Variants in EPB41L2 observed in about 807,000 individuals in gnomAD.
The protein encoded by EPB41L2 is band 4.1-like protein 2.
In EPB41L2, 43 loss-of-function variants were observed where a neutral mutation model predicts 113.0. The ratio of observed to expected loss-of-function variants is 0.38; its 90% CI spans 0.30 to 0.49. The LOEUF is 0.49. EPB41L2 is among the 20% of genes least tolerant of loss of function. EPB41L2 has a pLI of 0.95. For synonymous variants in EPB41L2, 442 were observed against 436.7 expected, an observed-to-expected ratio of 1.01 and a Z score of -0.15; for missense variants, 1,147 against 1,223.4, an observed-to-expected ratio of 0.94 and a Z score of 0.93.
Position 130,839,878 on chromosome 6 carries a change from T to C in EPB41L2, c.*726A>G, listed in dbSNP as rs530181123. On this transcript the variant is annotated 3_prime_UTR_variant, in exon 20 of 20. Transcript: ENST00000337057. ...TGTCTGACAAGCATTGGCACTGTGG[T>C]GCGGCAGGGTCTCTAAGCACAGTGC... 6.6e-6 allele frequency: 1 copy of C among 152,326 alleles called. No homozygotes were observed. Among genetic ancestry groups the C allele is most frequent in the Admixed American group, 6.5e-5 (1 of 15,302 alleles). 9.4% of individuals were successfully genotyped at this position (152,326 alleles called of 1,614,324 possible). A position where few individuals can be genotyped will look rare whatever the true frequency, so the allele number is the denominator to read the frequency against.
chr6:131,026,567 G>A (rs1311272604), intron 1 of EPB41L2, among the ~76,000 whole-genome samples: 2 of 152,128 alleles, frequency 1.3e-5, no homozygotes, highest in Non-Finnish European at 2.9e-5. Flanking sequence ...CTCAAACTCT[G>A]GGCTAAAGAG....
At chr6:131,048,610 C>G (rs1795943759) in intron 1 of EPB41L2, among the ~76,000 whole-genome samples, 1 of 152,076 alleles carries the variant, frequency 6.6e-6, no homozygotes, top group Non-Finnish European at 1.5e-5. Context: ...GAGTTTGCTT[C>G]AAAATAAAGA....
Position 131,006,589 on chromosome 6 carries a change from G to C in EPB41L2, c.-14-50090C>G, listed in dbSNP as rs372947594. 2.0e-5 allele frequency among the ~76,000 whole-genome samples: 3 copies of C among 150,640 alleles called. No homozygotes were observed. In the South Asian group the frequency reaches 6.3e-4, roughly 32 times the overall value. On this transcript the variant is annotated intron_variant, in intron 1 of 19. Coordinates refer to ENST00000337057, the MANE Select transcript of EPB41L2 (RefSeq NM_001431.4). ...GGAGGCTAAGGCAGGAGAATCGCTT[G>C]AACCCAGGAGGCAGAGGTTGCAGTG...
intron 15 of EPB41L2, chr6:130,867,968 ACACACTCT>A (rs1279948573): frequency 2.5e-4 from 34 of 133,342 alleles, no homozygotes; most frequent in African/African-American, 7.5e-4. Context: ...ACACACACAC[ACACACTCT>A]CTCTCTCTCT....
intron 1 of EPB41L2, chr6:131,013,602 C>T (rs1281226641): frequency 6.6e-6 from 1 of 152,156 alleles, no homozygotes; most frequent in East Asian, 1.9e-4. Context: ...TTTTGCCTCA[C>T]AGAAGTTGTT....
intron 19 of EPB41L2, among the ~76,000 whole-genome samples, chr6:130,844,464 C>G (rs1776394496): frequency 6.6e-6 from 1 of 151,366 alleles, no homozygotes; most frequent in African/African-American, 2.4e-5. Context: ...CCCAGCTACT[C>G]AGGAGGCTGA....
rs1783590573 is a variant in EPB41L2 at position 130,865,870 on chromosome 6, C to T, written c.2731-236G>A. 7 of 482,028 alleles carry T rather than the reference C, an allele frequency of 1.5e-5. No individual in the cohort carries two copies. The East Asian group carries it at 2.4e-4, about 17-fold the overall frequency. The allele number at this position is 482,028 out of a possible 1,614,324, so 29.9% of individuals were successfully genotyped here. ...AGTGGAGAAAAGAGAGGAGAATGGACATAGTAGGTGGGACTGAAAGCTACA... is the reference window on the plus strand; with the variant it reads ...AGTGGAGAAAAGAGAGGAGAATGGATATAGTAGGTGGGACTGAAAGCTACA... On this transcript the variant is annotated intron_variant, in intron 16 of 19. Coordinates refer to ENST00000337057, the MANE Select transcript of EPB41L2 (RefSeq NM_001431.4).
chr6:130,903,706 T>A (rs1796936167), intron 6 of EPB41L2, among the ~76,000 whole-genome samples: 2 of 152,230 alleles, frequency 1.3e-5, no homozygotes, highest in Admixed American at 1.3e-4. Context: ...TTATACTTCC[T>A]CTCACCAAAG....
intron 1 of EPB41L2, among the ~76,000 whole-genome samples, chr6:131,006,775 T>TAG (rs1785658408): frequency 6.6e-6 from 1 of 152,120 alleles, no homozygotes; most frequent in South Asian, 2.1e-4. Context: ...AATCCTGCCC[T>TAG]AGACCTATTA....
chr6:130,999,170 C>G (rs1201503049), intron 1 of EPB41L2, among the ~76,000 whole-genome samples: 1 of 152,118 alleles, frequency 6.6e-6, no homozygotes, highest in African/African-American at 2.4e-5. Flanking sequence ...TCTTCTCTCT[C>G]CCAGATCCCC....
intron 1 of EPB41L2, among the ~76,000 whole-genome samples, chr6:131,049,877 C>T (rs1369015315): frequency 1.3e-5 from 2 of 152,116 alleles, no homozygotes; most frequent in Non-Finnish European, 2.9e-5. Context: ...CCTGAGTTTT[C>T]CAAGAAAACT....
intron 3 of EPB41L2, among the ~76,000 whole-genome samples, chr6:130,950,867 G>A (rs914502672): frequency 6.6e-5 from 10 of 152,092 alleles, no homozygotes; most frequent in Admixed American, 1.3e-4. Context: ...CAACATTAGC[G>A]GGTTAGAAAA....
chr6:130,876,891 G>A, intron 14 of EPB41L2: 1 of 376,956 alleles, frequency 2.7e-6, no homozygotes, highest in South Asian at 3.5e-5. Context: ...CAGGAGAAGT[G>A]GCACATAATG....
chr6:131,060,431 T>C (rs2128209573), intron 1 of EPB41L2, among the ~76,000 whole-genome samples: 1 of 152,380 alleles, frequency 6.6e-6, no homozygotes, highest in Non-Finnish European at 1.5e-5. Context: ...TCTTTGCAAG[T>C]ATTTTTAGTT....
rs375943882 is a variant in EPB41L2 at position 130,858,051 on chromosome 6, C to G, written c.*5+80G>C. On this transcript the variant is annotated intron_variant, in intron 19 of 19. Transcript: ENST00000337057. ...TATAGGAAGAAGACACTGATATGAA[C>G]TTTCATTTCACATCCTTTCACAAGT... 8.9e-6 allele frequency: 10 copies of G among 1,125,240 alleles called. No homozygotes were observed. The East Asian group carries it at 2.4e-4, about 27-fold the overall frequency. 69.7% of individuals were successfully genotyped at this position (1,125,240 alleles called of 1,614,324 possible).
chr6:130,865,737 G>T, intron 16 of EPB41L2, 103 bp from the exon 17 acceptor site: 1 of 1,220,378 alleles, frequency 8.2e-7, no homozygotes, highest in Non-Finnish European at 1.2e-6. Flanking sequence ...AAATCCATGT[G>T]GTTTGCGTGT....
At chr6:130,913,034 T>C (rs942709334) in intron 4 of EPB41L2, among the ~76,000 whole-genome samples, 3 of 152,154 alleles carry the variant, frequency 2.0e-5, no homozygotes, top group Admixed American at 1.3e-4. Context: ...CAAAGGACCC[T>C]TCTCTGTTCC....
chr6:131,027,802 A>G (rs1022495532), intron 1 of EPB41L2, among the ~76,000 whole-genome samples: 1 of 152,226 alleles, frequency 6.6e-6, no homozygotes, highest in Non-Finnish European at 1.5e-5. Context: ...AAAAATTTAA[A>G]GTTTTTAAAA....
intron 1 of EPB41L2, among the ~76,000 whole-genome samples, chr6:130,957,633 A>G (rs1817883136): frequency 6.6e-6 from 1 of 150,848 alleles, no homozygotes; most frequent in East Asian, 1.9e-4. Flanking sequence ...CATCTCTTAA[A>G]AAAAAAAAAA....
Sources: allele counts gnomAD v4.1 joint callset (sites outside exome capture counted in the v4.1 genomes callset), GRCh38; gene constraint gnomAD v4.1.1; transcripts MANE v1.5; gene names NCBI Gene and HGNC (gene_info 2026-07-23, HGNC 2026-07-21).